The following GRIK4 variants were observed in gnomAD, a reference collection of about 807,000 sequenced individuals.
GRIK4 encodes glutamate ionotropic receptor kainate type subunit 4.
Under a neutral mutation model 104.9 loss-of-function variants are expected in GRIK4, and 40 were observed. That is an observed-to-expected ratio of 0.38 (90% CI 0.30 to 0.50). The LOEUF is 0.50. Ranked by LOEUF, GRIK4 falls within the 20% of genes least tolerant of loss-of-function variation. The probability of loss-of-function intolerance (pLI) is 0.93; values close to 1 mark genes in which losing one functional copy is unlikely to be tolerated. For missense variants in GRIK4, 1,047 were observed against 1,308.1 expected, an observed-to-expected ratio of 0.80 and a Z score of 3.08; for synonymous variants, 485 against 524.9, an observed-to-expected ratio of 0.92 and a Z score of 1.04.
intron 3 of GRIK4, among the ~76,000 whole-genome samples, chr11:120,783,395 C>T (rs927445959): frequency 3.3e-5 from 5 of 152,132 alleles, no homozygotes; most frequent in African/African-American, 1.2e-4. Flanking sequence ...TTCCCTTCCT[C>T]CTCTTCTCTC....
intron 13 of GRIK4, among the ~76,000 whole-genome samples, chr11:120,926,552 A>T (rs1241752241): frequency 1.3e-5 from 2 of 152,228 alleles, no homozygotes; most frequent in Non-Finnish European, 2.9e-5. Flanking sequence ...GCCTAAGATT[A>T]TGCAGTTAGT....
At chr11:120,876,016 A>G (rs541862765) in intron 11 of GRIK4, among the ~76,000 whole-genome samples, 2 of 152,134 alleles carry the variant, frequency 1.3e-5, no homozygotes, top group African/African-American at 4.8e-5. Context: ...AGAAGTGGGT[A>G]CATTGAAAAG....
intron 1 of GRIK4, among the ~76,000 whole-genome samples, chr11:120,548,535 C>T (rs1232647214): frequency 6.6e-6 from 1 of 152,080 alleles, no homozygotes; most frequent in Non-Finnish European, 1.5e-5. Flanking sequence ...TACAGAGGCA[C>T]CTCGGTCCCC....
chr11:120,777,109 C>T (rs1230842053), intron 3 of GRIK4, among the ~76,000 whole-genome samples: 1 of 152,158 alleles, frequency 6.6e-6, no homozygotes, highest in Non-Finnish European at 1.5e-5. Context: ...ACCTGCGAGT[C>T]TTCCCTCCCA....
chr11:120,665,140 T>TA (rs1208116762), intron 3 of GRIK4, among the ~76,000 whole-genome samples: 8 of 152,052 alleles, frequency 5.3e-5, no homozygotes, highest in Non-Finnish European at 7.4e-5. Context: ...GGGAAAAGGA[T>TA]AAAAAACACC....
intron 1 of GRIK4, among the ~76,000 whole-genome samples, chr11:120,612,704 A>G (rs1274295387): frequency 6.6e-6 from 1 of 152,230 alleles, no homozygotes; most frequent in East Asian, 1.9e-4. Context: ...GAATTATTAG[A>G]CTTGACACTA....
At chr11:120,585,314 C>A (rs1948645064) in intron 1 of GRIK4, among the ~76,000 whole-genome samples, 1 of 150,712 alleles carries the variant, frequency 6.6e-6, no homozygotes, top group African/African-American at 2.4e-5. Flanking sequence ...CTTCTGAGTT[C>A]TTTTCATTCT....
chr11:120,729,967 C>T (rs1951100514), intron 3 of GRIK4, among the ~76,000 whole-genome samples: 3 of 152,156 alleles, frequency 2.0e-5, no homozygotes, highest in Admixed American at 1.3e-4. Context: ...GGTCTACTTT[C>T]ATTCTTTTGC....
chr11:120,592,353 C>A (rs1019928767), intron 1 of GRIK4, among the ~76,000 whole-genome samples: 1 of 152,176 alleles, frequency 6.6e-6, no homozygotes, highest in African/African-American at 2.4e-5. Context: ...CGGAGATGGC[C>A]GCCGTCCTAC....
intron 3 of GRIK4, among the ~76,000 whole-genome samples, chr11:120,801,558 A>G (rs1295923026): frequency 3.3e-5 from 5 of 152,214 alleles, no homozygotes; most frequent in African/African-American, 1.2e-4. Context: ...GTTCATTCCT[A>G]TTGTAGCATG....
intron 14 of GRIK4, among the ~76,000 whole-genome samples, chr11:120,949,432 G>C (rs1033587963): frequency 2.0e-5 from 3 of 152,138 alleles, no homozygotes; most frequent in Non-Finnish European, 4.4e-5. Context: ...TTCAACATTT[G>C]GGGCATAGAC....
chr11:120,956,833 A>T lies in GRIK4; in HGVS notation c.1754A>T (p.Asn585Ile). 1 of 1,613,698 alleles carries T rather than the reference A, an allele frequency of 6.2e-7. No homozygotes were observed. The highest frequency in any genetic ancestry group is 8.5e-7 in the Non-Finnish European group (1 of 1,179,850). ...CACCCATGTGCCCAGGGCCGGTGCAACCTCCTGGTGAACCAGTACTCCCTG... is the reference window on the plus strand; with the variant it reads ...CACCCATGTGCCCAGGGCCGGTGCATCCTCCTGGTGAACCAGTACTCCCTG... ...SPHPCAQGRC[N>I]LLVNQYSLGN... The change falls in exon 16 of 21, where the codon AAC (asparagine) becomes ATC (isoleucine). Residue 585 changes from asparagine (N) to isoleucine (I), a missense_variant. Asn to Ile is a moderately radical substitution (Grantham distance 149, BLOSUM62 -3). This residue lies in a region of GRIK4 where 440 missense variants were observed against 652.3 expected (regional missense o/e 0.67). Coordinates refer to ENST00000527524, the MANE Select transcript of GRIK4 (RefSeq NM_014619.5). The surrounding 1 kb of genome is among the most constrained non-coding windows in gnomAD (Gnocchi z 4.6).
chr11:120,660,686 C>CG (rs1046791697), intron 3 of GRIK4, among the ~76,000 whole-genome samples: 5 of 152,142 alleles, frequency 3.3e-5, no homozygotes, highest in Non-Finnish European at 2.9e-5. Flanking sequence ...AGGCAGCTGT[C>CG]GGGGAAAAAG....
At chr11:120,628,068 CGGGGA>C (rs1693552846) in intron 1 of GRIK4, among the ~76,000 whole-genome samples, 1 of 152,132 alleles carries the variant, frequency 6.6e-6, no homozygotes, top group African/African-American at 2.4e-5. Flanking sequence ...TGTCAGCCTC[CGGGGA>C]GAGGAGGCAG....
chr11:120,554,598 G>A (rs769064804), intron 1 of GRIK4, among the ~76,000 whole-genome samples: 15 of 150,530 alleles, frequency 1.0e-4, no homozygotes, highest in African/African-American at 3.2e-4. Context: ...TCGCCCTGTC[G>A]CCCAGGCTGG....
At chr11:120,707,997 C>T (rs1950658996) in intron 3 of GRIK4, among the ~76,000 whole-genome samples, 1 of 152,154 alleles carries the variant, frequency 6.6e-6, no homozygotes, top group African/African-American at 2.4e-5. Context: ...GTCACAAGCC[C>T]ACCTAGGTTC....
intron 1 of GRIK4, among the ~76,000 whole-genome samples, chr11:120,642,023 A>G (rs1949477344): frequency 6.6e-6 from 1 of 152,196 alleles, no homozygotes; most frequent in African/African-American, 2.4e-5. Context: ...TCCCATGGCA[A>G]CCAGGAAACA....
At chr11:120,878,587 G>T (rs1440147650) in intron 11 of GRIK4, among the ~76,000 whole-genome samples, 1 of 151,126 alleles carries the variant, frequency 6.6e-6, no homozygotes, top group Admixed American at 6.6e-5. Flanking sequence ...TTGTGAAGTG[G>T]ATGGTGATCA....
At chr11:120,789,098 C>T (rs1165597701) in intron 3 of GRIK4, among the ~76,000 whole-genome samples, 1 of 152,108 alleles carries the variant, frequency 6.6e-6, no homozygotes, top group East Asian at 1.9e-4. Flanking sequence ...TCTCCTGTTA[C>T]TCACCATCCT....
Sources: allele counts gnomAD v4.1 joint callset (sites outside exome capture counted in the v4.1 genomes callset), GRCh38; gene constraint gnomAD v4.1.1; regional missense constraint gnomAD v4.1.1; non-coding constraint Gnocchi (gnomAD v3.1); transcripts MANE v1.5; gene names NCBI Gene and HGNC (gene_info 2026-07-23, HGNC 2026-07-21).